The following ECM1 variants were observed in gnomAD, a reference collection of about 807,000 sequenced individuals.
The protein encoded by ECM1 is extracellular matrix protein 1, also known as secretory component p85.
ECM1 carries 54 observed loss-of-function variants against 57.9 expected under a neutral mutation model. That is an observed-to-expected ratio of 0.93 (90% CI 0.75 to 1.17). The LOEUF (loss-of-function observed/expected upper bound fraction) is 1.17, where lower values mean the gene tolerates loss of function less well. Among genes scored for constraint, ECM1 ranks in the 50% most tolerant of loss-of-function variants. The pLI is 0.00. For missense variants in ECM1, 649 were observed against 688.1 expected (o/e 0.94, Z 0.64); for synonymous variants, 237 against 259.1 (o/e 0.91, Z 0.82).
At chr1:150,512,052 C>T (rs1412906025) in intron 7 of ECM1, among the ~76,000 whole-genome samples, 1 of 151,370 alleles carries the variant, frequency 6.6e-6, no homozygotes, top group South Asian at 2.1e-4. Context: ...ATGATCCACA[C>T]ACGCATCTGT....
In ECM1 at chr1:150,510,918, A is replaced by C; in HGVS notation, c.428A>C (p.Glu143Ala). ...GGGGACCAGAGCCATCCAGAACCTG[A>C]GTCCTGGAATGCAGCCCAGCACTGC... ...PFGDQSHPEP[E>A]SWNAAQHCQQ... Residue 143 changes from glutamate (E) to alanine (A), a missense_variant, in exon 6 of 10, where the codon GAG (glutamate) becomes GCG (alanine). By Grantham distance (107) the Glu-to-Ala change is moderately radical. Transcript: ENST00000369047. The C allele has an allele frequency of 1.2e-6, 2 of 1,614,144 alleles. No homozygotes were observed. The highest frequency in any genetic ancestry group is 1.7e-6 in the Non-Finnish European group (2 of 1,180,032).
In ECM1 at chr1:150,510,311, T is replaced by G. The variant is rs1240472869; in HGVS notation, c.385+129T>G. The G allele has an allele frequency of 5.9e-6, 5 of 854,308 alleles. No homozygotes were observed. In the East Asian group the frequency reaches 1.0e-4, roughly 17 times the overall value. 52.9% of individuals were successfully genotyped at this position (854,308 alleles called of 1,614,324 possible). A position where few individuals can be genotyped will look rare whatever the true frequency, so the allele number is the denominator to read the frequency against. ...GTATAACCTTGGGTAAGTTACATAC[T>G]TCTCCAAGCCTTTGTTTCTTCATCT... On this transcript the variant is annotated intron_variant, in intron 5 of 9. Coordinates refer to ENST00000369047, the MANE Select transcript of ECM1 (RefSeq NM_004425.4).
In ECM1 at chr1:150,508,229, C is replaced by A; in HGVS notation, c.20C>A (p.Ala7Glu). Reference sequence around the variant, plus strand: ...CCCAGGATGGGGACCACAGCCAGAGCAGCCTTGGTCTTGACCTATTTGGCT... The same window carrying A: ...CCCAGGATGGGGACCACAGCCAGAGAAGCCTTGGTCTTGACCTATTTGGCT... MGTTAR[A>E]ALVLTYLAVA... Residue 7 changes from alanine to glutamate, a missense_variant, in exon 1 of 10, where the codon GCA (alanine) becomes GAA (glutamate). Coordinates refer to ENST00000369047, the MANE Select transcript of ECM1 (RefSeq NM_004425.4). The A allele has an allele frequency of 1.2e-6, 2 of 1,614,114 alleles. No homozygotes were observed. The highest frequency in any genetic ancestry group is 1.7e-6 in the Non-Finnish European group (2 of 1,180,048).
At chr1:150,511,861 C>T in intron 7 of ECM1, 30 bp downstream of exon 7, 5 of 1,576,280 alleles carry the variant, frequency 3.2e-6, no homozygotes, top group Non-Finnish European at 4.3e-6. Context: ...TCCCTGAGAG[C>T]CTGTTTGCCT....
Position 150,509,679 on chromosome 1 carries a change from C to T in ECM1, c.140C>T (p.Pro47Leu), listed in dbSNP as rs587724631. The T allele has an allele frequency of 1.8e-5, 29 of 1,613,246 alleles. No homozygotes were observed. The East Asian group carries it at 6.2e-4, about 35-fold the overall frequency. Residue 47 changes from proline (P) to leucine (L), a missense_variant, in exon 3 of 10, where the codon CCC becomes CTC. By Grantham distance (98) the Pro-to-Leu change is moderately conservative. Transcript: ENST00000369047. ...CTTCTAGTTGGCTACGCAGCTCCCC[C>T]CTCCCCACCCCTATCCCGAAGCCTC... ...HFQEVGYAAP[P>L]SPPLSRSLPM...
Sources: allele counts gnomAD v4.1 joint callset (sites outside exome capture counted in the v4.1 genomes callset), GRCh38; gene constraint gnomAD v4.1.1; transcripts MANE v1.5; gene names NCBI Gene and HGNC (gene_info 2026-07-23, HGNC 2026-07-21).